Variants in PLEKHG7 observed in about 807,000 individuals in gnomAD.
PLEKHG7 encodes the protein pleckstrin homology domain-containing family G member 7.
In PLEKHG7, 77 loss-of-function variants were observed where a neutral mutation model predicts 85.2. That is an observed-to-expected ratio of 0.90 (90% CI 0.75 to 1.09). The LOEUF (loss-of-function observed/expected upper bound fraction) is 1.09. Ranked by LOEUF, PLEKHG7 falls within the 50% of genes least tolerant of loss-of-function variation. The pLI is 0.00. For synonymous variants in PLEKHG7, 301 were observed against 302.4 expected (o/e 1.00, Z 0.05); for missense variants, 777 against 804.3 (o/e 0.97, Z 0.41).
intron 5 of PLEKHG7, among the ~76,000 whole-genome samples, chr12:92,734,384 C>A (rs1168093332): frequency 6.6e-6 from 1 of 152,144 alleles, no homozygotes; most frequent in African/African-American, 2.4e-5. Context: ...TAGCACATTA[C>A]CAGGTACTGT....
intron 4 of PLEKHG7, among the ~76,000 whole-genome samples, chr12:92,729,757 T>C (rs1871930311): frequency 6.6e-6 from 1 of 152,184 alleles, no homozygotes. Context: ...ACTGGTTTAG[T>C]TCTTAGCAGA....
At chr12:92,704,275 A>AG (rs1248512495) in intron 1 of PLEKHG7, among the ~76,000 whole-genome samples, 1 of 152,158 alleles carries the variant, frequency 6.6e-6, no homozygotes, top group Non-Finnish European at 1.5e-5. Flanking sequence ...AAGAAAAAAA[A>AG]AAAGAAAGAA....
chr12:92,737,317 G>A (rs1872186092), intron 6 of PLEKHG7, 61 bp from the exon 7 acceptor site: 2 of 1,291,016 alleles, frequency 1.5e-6, no homozygotes, highest in South Asian at 2.8e-5. Context: ...AAAGCAAATA[G>A]CCAACAGGTC....
At position 92,706,982 on chromosome 12, in the gene PLEKHG7, T is replaced by G. The variant is rs372040278; in HGVS notation, c.351T>G (p.Asn117Lys). Residue 117 changes from asparagine (N) to lysine (K), a missense_variant, in exon 2 of 17, where the codon AAT becomes AAG. Asn to Lys is a moderately conservative substitution (Grantham distance 94). This residue lies in a region of PLEKHG7 where 252 missense variants were observed against 241.9 expected (regional missense o/e 1.04). Transcript: ENST00000344636. Reference protein sequence around the residue: ...RLTSEPERALNAADSLEPQTR... With the variant: ...RLTSEPERALKAADSLEPQTR... Reference sequence around the variant, plus strand: ...CCTCTGAACCTGAAAGGGCCCTGAATGCAGCTGACTCACTGGAGCCCCAAA... The same window carrying G: ...CCTCTGAACCTGAAAGGGCCCTGAAGGCAGCTGACTCACTGGAGCCCCAAA... The G allele has an allele frequency of 6.2e-7, 1 of 1,614,156 alleles. No individual in the cohort carries two copies. The highest frequency in any genetic ancestry group is 8.5e-7 in the Non-Finnish European group (1 of 1,180,024).
chr12:92,733,175 T>C (rs1872042323), intron 5 of PLEKHG7, among the ~76,000 whole-genome samples: 1 of 152,208 alleles, frequency 6.6e-6, no homozygotes. Context: ...TACTGCCCTA[T>C]GACCTTGGCC....
At position 92,706,886 on chromosome 12, in the gene PLEKHG7, G is replaced by A. The variant is rs760069582; in HGVS notation, c.255G>A (p.Ser85=). Residue 85 remains serine (S), a synonymous_variant, in exon 2 of 17, where the codon TCG becomes TCA. Transcript: ENST00000344636. Reference sequence around the variant, plus strand: ...CTGTGGGCTTCCCATGTTACCTTTCGAAGAGCCTGCCAGGAAGCCCAAAGG... The same window carrying A: ...CTGTGGGCTTCCCATGTTACCTTTCAAAGAGCCTGCCAGGAAGCCCAAAGG... The part of the protein sequence containing the change: ...GAPVGFPCYL[S]KSLPGSPKDS... 20 of 1,613,886 alleles carry A rather than the reference G, an allele frequency of 1.2e-5. No homozygotes were observed. In the East Asian group the frequency reaches 1.8e-4, roughly 14 times the overall value.
intron 10 of PLEKHG7, among the ~76,000 whole-genome samples, chr12:92,750,872 T>G (rs1872671271): frequency 6.6e-6 from 1 of 152,148 alleles, no homozygotes; most frequent in Non-Finnish European, 1.5e-5. Flanking sequence ...CACTGGAGTC[T>G]GAGGTTGCAG....
intron 3 of PLEKHG7, among the ~76,000 whole-genome samples, chr12:92,714,850 T>C (rs1384886934): frequency 6.6e-6 from 1 of 152,194 alleles, no homozygotes; most frequent in Non-Finnish European, 1.5e-5. Context: ...CTCCATACTA[T>C]TAGAAGTAGA....
chr12:92,726,339 C>A (rs966646128), intron 3 of PLEKHG7, among the ~76,000 whole-genome samples: 4 of 152,130 alleles, frequency 2.6e-5, no homozygotes, highest in Admixed American at 1.3e-4. Flanking sequence ...TCACCCTATC[C>A]AAAAGGGTGT....
chr12:92,709,336 C>T (rs1236733050), intron 3 of PLEKHG7, among the ~76,000 whole-genome samples: 1 of 152,220 alleles, frequency 6.6e-6, no homozygotes, highest in Non-Finnish European at 1.5e-5. Context: ...GACCTCCAAG[C>T]TTCTGGCTTG....
intron 3 of PLEKHG7, among the ~76,000 whole-genome samples, chr12:92,723,615 C>T (rs1177501492): frequency 6.6e-6 from 1 of 152,184 alleles, no homozygotes; most frequent in Non-Finnish European, 1.5e-5. Context: ...TTTAGCCCAT[C>T]CTCACACAAT....
intron 5 of PLEKHG7, among the ~76,000 whole-genome samples, chr12:92,732,712 A>G (rs1252654715): frequency 4.6e-5 from 7 of 152,198 alleles, no homozygotes; most frequent in Non-Finnish European, 1.5e-5. Context: ...GGGAAAGCCA[A>G]TTGGATTAAT....
At chr12:92,752,344 C>T (rs1248538721) in intron 10 of PLEKHG7, among the ~76,000 whole-genome samples, 1 of 151,998 alleles carries the variant, frequency 6.6e-6, no homozygotes, top group Non-Finnish European at 1.5e-5. Flanking sequence ...CATAGGAAAC[C>T]AAGGGGATAT....
At chr12:92,720,435 C>T (rs1038637034) in intron 3 of PLEKHG7, among the ~76,000 whole-genome samples, 1 of 151,920 alleles carries the variant, frequency 6.6e-6, no homozygotes. Flanking sequence ...AAGCTATTCT[C>T]ATGCCCCAGT....
chr12:92,736,909 G>A (rs1872167157), intron 6 of PLEKHG7, among the ~76,000 whole-genome samples: 1 of 152,126 alleles, frequency 6.6e-6, no homozygotes, highest in Admixed American at 6.5e-5. Flanking sequence ...TTTTTGATAA[G>A]ACAATTTCTA....
At chr12:92,727,291 C>A (rs1198808021) in intron 3 of PLEKHG7, among the ~76,000 whole-genome samples, 1 of 152,124 alleles carries the variant, frequency 6.6e-6, no homozygotes, top group Non-Finnish European at 1.5e-5. Context: ...TCAGAGAGTA[C>A]ATGTGCATAT....
intron 6 of PLEKHG7, 38 bp from the exon 7 acceptor site, chr12:92,737,340 T>C: frequency 7.3e-7 from 1 of 1,373,248 alleles, no homozygotes; most frequent in Non-Finnish European, 9.4e-7. Flanking sequence ...TCCACTGAGG[T>C]GGAAATGTTT....
chr12:92,729,656 A>T (rs930271436), intron 4 of PLEKHG7, among the ~76,000 whole-genome samples: 1 of 152,196 alleles, frequency 6.6e-6, no homozygotes, highest in East Asian at 1.9e-4. Flanking sequence ...GGGTCTTCAG[A>T]GTGTTTTCTT....
At chr12:92,711,841 G>A (rs1251301906) in intron 3 of PLEKHG7, among the ~76,000 whole-genome samples, 1 of 152,150 alleles carries the variant, frequency 6.6e-6, no homozygotes, top group Admixed American at 6.5e-5. Context: ...CTTCTGTTCT[G>A]GACCCCACTC....
Sources: allele counts gnomAD v4.1 joint callset (sites outside exome capture counted in the v4.1 genomes callset), GRCh38; gene constraint gnomAD v4.1.1; regional missense constraint gnomAD v4.1.1; transcripts MANE v1.5; gene names NCBI Gene and HGNC (gene_info 2026-07-23, HGNC 2026-07-21).